RASAL2: variants seen among roughly 807,000 people sequenced by gnomAD.
RASAL2 encodes the protein ras GTPase-activating protein nGAP.
Under a neutral mutation model 128.9 loss-of-function variants are expected in RASAL2, and 58 were observed. That is an observed-to-expected ratio of 0.45 (90% CI 0.36 to 0.56). RASAL2 has a LOEUF of 0.56. RASAL2 is among the 20% of genes least tolerant of loss of function. The pLI, the probability that RASAL2 is intolerant of heterozygous loss-of-function variation, is 0.00. For missense variants in RASAL2, 1,360 were observed against 1,601.6 expected, an observed-to-expected ratio of 0.85 and a Z score of 2.57; for synonymous variants, 561 against 580.8, an observed-to-expected ratio of 0.97 and a Z score of 0.49.
At chr1:178,364,462 C>G (rs1360461373) in intron 3 of RASAL2, among the ~76,000 whole-genome samples, 1 of 152,138 alleles carries the variant, frequency 6.6e-6, no homozygotes, top group Non-Finnish European at 1.5e-5. Context: ...TTACTACAAC[C>G]TTGTAGGGTT....
chr1:178,231,910 ACAAAT>A (rs1187049547), intron 1 of RASAL2, among the ~76,000 whole-genome samples: 1 of 152,198 alleles, frequency 6.6e-6, no homozygotes, highest in Non-Finnish European at 1.5e-5. Context: ...GACTATATAA[ACAAAT>A]CAAAATGCAG....
rs3042589 is a variant in RASAL2 at position 178,438,881 on chromosome 1, CTGTGTGTGTGTGTG to C, written c.675-503_675-490del. Among the ~76,000 whole-genome samples, 173 of 129,460 alleles carry C rather than the reference CTGTGTGTGTGTGTG, an allele frequency of 1.3e-3. 1 individual carries two copies. The highest frequency in any genetic ancestry group is 3.9e-3 in the Middle Eastern group (1 of 256). 84.9% of individuals were successfully genotyped at this position (129,460 alleles called of 152,430 possible). On this transcript the variant is annotated intron_variant, in intron 5 of 17. Coordinates refer to ENST00000367649, the MANE Select transcript of RASAL2 (RefSeq NM_170692.4). ...TGTGATAAAAAGTTGAGCTTCGACTCTGTGTGTGTGTGTGTGTGTGTGTGTGTGTGTGTGTGTGT... is the reference window on the plus strand; with the variant it reads ...TGTGATAAAAAGTTGAGCTTCGACTCTGTGTGTGTGTGTGTGTGTGTGTGT...
At chr1:178,162,308 T>A (rs1017821932) in intron 1 of RASAL2, among the ~76,000 whole-genome samples, 17 of 129,174 alleles carry the variant, frequency 1.3e-4, no homozygotes, top group Non-Finnish European at 2.5e-4. Context: ...TATATATATA[T>A]AATGTATTAT....
chr1:178,196,615 A>G (rs1359743671), intron 1 of RASAL2, among the ~76,000 whole-genome samples: 1 of 152,198 alleles, frequency 6.6e-6, no homozygotes, highest in Non-Finnish European at 1.5e-5. Context: ...TAATCTAGAG[A>G]TGATTTAAAG....
At chr1:178,382,094 T>C (rs1672316442) in intron 3 of RASAL2, among the ~76,000 whole-genome samples, 1 of 152,222 alleles carries the variant, frequency 6.6e-6, no homozygotes, top group South Asian at 2.1e-4. Context: ...CTCATACAAC[T>C]TATCTAAGTA....
chr1:178,370,825 A>G (rs1671661933), intron 3 of RASAL2, among the ~76,000 whole-genome samples: 1 of 152,200 alleles, frequency 6.6e-6, no homozygotes, highest in African/African-American at 2.4e-5. Flanking sequence ...AATAGAGTCT[A>G]GATTAAAAAT....
chr1:178,426,630 G>C (rs923740760), intron 5 of RASAL2, among the ~76,000 whole-genome samples: 2 of 150,944 alleles, frequency 1.3e-5, no homozygotes, highest in Non-Finnish European at 3.0e-5. Flanking sequence ...AAATTTTCTA[G>C]AAAGAAAAAA....
intron 1 of RASAL2, among the ~76,000 whole-genome samples, chr1:178,211,588 T>C (rs1230350105): frequency 1.3e-5 from 2 of 152,186 alleles, no homozygotes; most frequent in Non-Finnish European, 2.9e-5. Context: ...TGGATCGTGC[T>C]GTTTTATGTC....
intron 3 of RASAL2, among the ~76,000 whole-genome samples, chr1:178,368,363 A>G (rs1427018895): frequency 2.6e-5 from 4 of 152,332 alleles, no homozygotes; most frequent in Non-Finnish European, 4.4e-5. Context: ...TGAAGTGCCT[A>G]GTAAACAGTA....
chr1:178,191,253 A>G (rs1662483477), intron 1 of RASAL2, among the ~76,000 whole-genome samples: 1 of 152,190 alleles, frequency 6.6e-6, no homozygotes, highest in Non-Finnish European at 1.5e-5. Context: ...AGACGCAGTT[A>G]ATAATAGCAC....
At chr1:178,148,565 C>T (rs892809986) in intron 1 of RASAL2, among the ~76,000 whole-genome samples, 18 of 152,036 alleles carry the variant, frequency 1.2e-4, no homozygotes, top group Admixed American at 5.2e-4. Flanking sequence ...CCTCCTGCCT[C>T]AGCTCCTCAA....
At chr1:178,310,027 C>CTG (rs1668164254) in intron 3 of RASAL2, among the ~76,000 whole-genome samples, 1 of 152,036 alleles carries the variant, frequency 6.6e-6, no homozygotes. Flanking sequence ...GTAGAGTTTC[C>CTG]TTTGTTCATT....
At chr1:178,241,171 AC>A (rs1455492238) in intron 1 of RASAL2, among the ~76,000 whole-genome samples, 9 of 152,132 alleles carry the variant, frequency 5.9e-5, no homozygotes, top group African/African-American at 1.9e-4. Flanking sequence ...CTATATAATT[AC>A]AACTTAAATA....
chr1:178,235,514 C>T (rs553614709), intron 1 of RASAL2, among the ~76,000 whole-genome samples: 6 of 152,032 alleles, frequency 3.9e-5, no homozygotes, highest in Admixed American at 2.0e-4. Flanking sequence ...ATTCCAGTAA[C>T]GAAAAAACAG....
chr1:178,447,329 A>G (rs185341279), intron 9 of RASAL2, among the ~76,000 whole-genome samples: 6,887 of 150,778 alleles, frequency 0.046, 529 homozygotes, highest in African/African-American at 0.16. Flanking sequence ...CTTAAAAAAA[A>G]TAAATAAATA....
chr1:178,204,649 A>G (rs929862769), intron 1 of RASAL2, among the ~76,000 whole-genome samples: 2 of 152,258 alleles, frequency 1.3e-5, no homozygotes, highest in African/African-American at 4.8e-5. Flanking sequence ...TTAAAAAGCA[A>G]AACATTGAAA....
At position 178,148,433 on chromosome 1, in the gene RASAL2, CTTATTTAT is replaced by C. The variant is rs543499669; in HGVS notation, c.202+53762_202+53769del. Among the ~76,000 whole-genome samples, 154 of 151,158 alleles carry C rather than the reference CTTATTTAT, an allele frequency of 1.0e-3. 1 individual carries two copies. The highest frequency in any genetic ancestry group is 3.2e-3 in the African/African-American group (130 of 40,838). The stretch of plus-strand genomic sequence containing the variant: ...CTTAATGTGGTTAATCTATTTCATT[CTTATTTAT>C]TTATTTATTTATTTATTTATTTTTT... On this transcript the variant is annotated intron_variant, in intron 1 of 17. Transcript: ENST00000367649.
chr1:178,193,565 T>G (rs182134140), intron 1 of RASAL2, among the ~76,000 whole-genome samples: 4 of 152,278 alleles, frequency 2.6e-5, no homozygotes, highest in Admixed American at 2.6e-4. Flanking sequence ...AAAAAGTTTT[T>G]TCTTTTCTTT....
intron 1 of RASAL2, among the ~76,000 whole-genome samples, chr1:178,256,000 A>T (rs1471558978): frequency 6.6e-6 from 1 of 152,216 alleles, no homozygotes; most frequent in Admixed American, 6.5e-5. Flanking sequence ...AACATGTATC[A>T]TACAAGGAGC....
Sources: gnomAD v4.1 joint callset for allele counts (sites outside exome capture counted in the v4.1 genomes callset) on GRCh38, gnomAD v4.1.1 for gene constraint, MANE v1.5 for transcripts, NCBI Gene and HGNC (gene_info 2026-07-23, HGNC 2026-07-21) for gene names.